Variants in CCDC85A observed in about 807,000 individuals in gnomAD.
The protein encoded by CCDC85A is coiled-coil domain containing 85A.
Under a neutral mutation model 50.2 loss-of-function variants are expected in CCDC85A, and 38 were observed. The ratio of observed to expected loss-of-function variants is 0.76; its 90% confidence interval spans 0.58 to 0.99. The LOEUF (loss-of-function observed/expected upper bound fraction) is 0.99, where lower values mean the gene tolerates loss of function less well. Among genes scored for constraint, CCDC85A ranks in the 50% least tolerant of loss-of-function variants. The pLI, the probability that CCDC85A is intolerant of heterozygous loss-of-function variation, is 0.00. For synonymous variants in CCDC85A, 366 were observed against 301.4 expected (o/e 1.21, Z -2.22); for missense variants, 820 against 742.0 (o/e 1.11, Z -1.22).
intron 2 of CCDC85A, among the ~76,000 whole-genome samples, chr2:56,311,612 A>G (rs1186606142): frequency 6.6e-6 from 1 of 152,074 alleles, no homozygotes; most frequent in Non-Finnish European, 1.5e-5. Flanking sequence ...ATGCTATATG[A>G]CTTTGCAGTG....
intron 3 of CCDC85A, among the ~76,000 whole-genome samples, chr2:56,364,649 C>T (rs775096173): frequency 4.6e-5 from 7 of 152,096 alleles, no homozygotes; most frequent in Non-Finnish European, 7.4e-5. Context: ...TTACTTCCCC[C>T]GGTATTTTCT....
At chr2:56,327,594 A>G (rs1673540209) in intron 2 of CCDC85A, among the ~76,000 whole-genome samples, 1 of 152,166 alleles carries the variant, frequency 6.6e-6, no homozygotes, top group African/African-American at 2.4e-5. Context: ...ATGATATCCC[A>G]GCCTACGGTG....
chr2:56,225,950 G>T (rs1256142509), intron 2 of CCDC85A, among the ~76,000 whole-genome samples: 2 of 152,178 alleles, frequency 1.3e-5, no homozygotes, highest in Non-Finnish European at 2.9e-5. Context: ...ACAACGAGAA[G>T]AATTGATATA....
intron 2 of CCDC85A, among the ~76,000 whole-genome samples, chr2:56,252,687 C>G (rs2103996922): frequency 6.6e-6 from 1 of 152,270 alleles, no homozygotes; most frequent in South Asian, 2.1e-4. Context: ...TGTTATCCCT[C>G]CTCGGGCCCC....
chr2:56,329,205 C>T (rs912678698), intron 2 of CCDC85A, among the ~76,000 whole-genome samples: 2 of 152,156 alleles, frequency 1.3e-5, no homozygotes, highest in African/African-American at 4.8e-5. Flanking sequence ...AAGTTCTATT[C>T]TTGCCGCTTG....
Position 56,192,909 on chromosome 2 carries a change from C to G in CCDC85A, c.709C>G (p.Leu237Val). ...CGCGAGCAGTGGCAGCCCGGAGCAC[C>G]TGCAGAAGCCCCGGAGCGAGGGCAG... ...HHASSGSPEH[L>V]QKPRSEGSPE... The change falls in exon 2 of 6, where the codon CTG (leucine) becomes GTG (valine). Residue 237 changes from leucine to valine, a missense_variant. Leu to Val is a conservative substitution (Grantham distance 32). Transcript: ENST00000407595. This position sits in a 1 kb window ranked among gnomAD's most constrained non-coding sequence, Gnocchi z 4.7. 1 of 1,613,060 alleles carries G rather than the reference C, an allele frequency of 6.2e-7. No individual in the cohort carries two copies. The highest frequency in any genetic ancestry group is 8.5e-7 in the Non-Finnish European group (1 of 1,179,590).
At chr2:56,274,038 G>C (rs1670815155) in intron 2 of CCDC85A, among the ~76,000 whole-genome samples, 3 of 152,118 alleles carry the variant, frequency 2.0e-5, no homozygotes, top group African/African-American at 7.2e-5. Context: ...AACTGTATCT[G>C]GAGGATGGGA....
intron 2 of CCDC85A, among the ~76,000 whole-genome samples, chr2:56,251,722 T>C (rs560698441): frequency 1.3e-5 from 2 of 152,044 alleles, no homozygotes; most frequent in Admixed American, 1.3e-4. Flanking sequence ...TTGGTCCTTT[T>C]ACTGATTTTT....
intron 2 of CCDC85A, among the ~76,000 whole-genome samples, chr2:56,260,487 T>G (rs1470664545): frequency 6.6e-6 from 1 of 152,236 alleles, no homozygotes; most frequent in Non-Finnish European, 1.5e-5. Context: ...TACACAAACA[T>G]GATAAATTTG....
intron 2 of CCDC85A, among the ~76,000 whole-genome samples, chr2:56,323,600 G>A (rs1005465000): frequency 6.6e-6 from 1 of 151,960 alleles, no homozygotes; most frequent in Non-Finnish European, 1.5e-5. Flanking sequence ...GGATTATTTG[G>A]CTGAGCTTCT....
chr2:56,379,785 G>C, intron 5 of CCDC85A: 2 of 984,986 alleles, frequency 2.0e-6, no homozygotes, highest in Non-Finnish European at 2.4e-6. Context: ...ATCGTCAACA[G>C]GGTAAAGAGT....
rs750277543 is a variant in CCDC85A at position 56,375,881 on chromosome 2, C to T, written c.1518C>T (p.Phe506=). The change falls in exon 5 of 6, where the codon TTC becomes TTT. Residue 506 remains phenylalanine, a synonymous_variant. Transcript: ENST00000407595. ...SNSSPNSAAS[F]SGHATPSQQP... is the part of the protein sequence containing the mutation. ...GTTCACCCAACTCTGCAGCTAGCTTCAGTGGACATGCCACACCTTCCCAGC... is the reference window on the plus strand; with the variant it reads ...GTTCACCCAACTCTGCAGCTAGCTTTAGTGGACATGCCACACCTTCCCAGC... The T allele has an allele frequency of 2.5e-6, 4 of 1,613,704 alleles. No homozygotes were observed. The highest frequency in any genetic ancestry group is 4.5e-5 in the East Asian group (2 of 44,862).
chr2:56,346,049 C>T (rs1445534420), intron 3 of CCDC85A, among the ~76,000 whole-genome samples: 1 of 152,120 alleles, frequency 6.6e-6, no homozygotes, highest in Non-Finnish European at 1.5e-5. Flanking sequence ...GTATGTAAAA[C>T]ACCTTTGCAG....
In CCDC85A at chr2:56,373,416, C is replaced by T. The variant is rs181101748; in HGVS notation, c.1452+938C>T. Among the ~76,000 whole-genome samples the T allele has an allele frequency of 2.6e-3, 401 of 151,418 alleles. 4 individuals are homozygous for T. The highest frequency in any genetic ancestry group is 8.1e-3 in the African/African-American group (333 of 41,280). On this transcript the variant is annotated intron_variant, in intron 4 of 5. Transcript: ENST00000407595. ...AAGTGTGTTTTTTAATAGATATGGC[C>T]AGAACAGGACTTTGTTTACATTTAA...
intron 2 of CCDC85A, among the ~76,000 whole-genome samples, chr2:56,286,408 T>A (rs914144156): frequency 1.3e-5 from 2 of 152,156 alleles, no homozygotes; most frequent in African/African-American, 4.8e-5. Flanking sequence ...TTTAAAAAAT[T>A]TTTTTAAAAT....
chr2:56,208,681 A>C (rs1166099343), intron 2 of CCDC85A, among the ~76,000 whole-genome samples: 1 of 152,034 alleles, frequency 6.6e-6, no homozygotes, highest in African/African-American at 2.4e-5. Flanking sequence ...CTTCAGGCTA[A>C]TGTTTTTCAA....
intron 2 of CCDC85A, among the ~76,000 whole-genome samples, chr2:56,259,604 G>A (rs1469859397): frequency 1.3e-5 from 2 of 152,146 alleles, no homozygotes; most frequent in South Asian, 4.1e-4. Flanking sequence ...TTTTCAGAAG[G>A]CACATGCTTT....
chr2:56,317,244 C>T (rs948929891), intron 2 of CCDC85A, among the ~76,000 whole-genome samples: 2 of 152,068 alleles, frequency 1.3e-5, no homozygotes, highest in Non-Finnish European at 1.5e-5. Context: ...ACTCTGATTT[C>T]CTTCCTATCA....
intron 4 of CCDC85A, 90 bp from the exon 5 acceptor site, chr2:56,375,726 C>A: frequency 7.3e-7 from 1 of 1,363,154 alleles, no homozygotes; most frequent in Non-Finnish European, 1.0e-6. Context: ...GGCTAATTCT[C>A]ATTTGGTAGT....
Sources: gnomAD v4.1 joint callset for allele counts (sites outside exome capture counted in the v4.1 genomes callset) on GRCh38, gnomAD v4.1.1 for gene constraint, Gnocchi (gnomAD v3.1) non-coding constraint, MANE v1.5 for transcripts, NCBI Gene and HGNC (gene_info 2026-07-23, HGNC 2026-07-21) for gene names.